Variants in XPA observed in about 807,000 individuals in gnomAD.
XPA encodes DNA repair protein complementing XP-A cells.
XPA carries 27 observed loss-of-function variants against 35.7 expected under a neutral mutation model. The ratio of observed to expected loss-of-function variants is 0.76; its 90% CI spans 0.56 to 1.04. XPA has a LOEUF of 1.04. Among genes scored for constraint, XPA ranks in the 50% least tolerant of loss-of-function variants. XPA has a pLI of 0.00. For synonymous variants in XPA, 133 were observed against 118.4 expected, an observed-to-expected ratio of 1.12 and a Z score of -0.80; for missense variants, 354 against 342.7, an observed-to-expected ratio of 1.03 and a Z score of -0.26.
intron 4 of XPA, among the ~76,000 whole-genome samples, chr9:97,685,439 C>G (rs1214082676): frequency 6.6e-6 from 1 of 152,132 alleles, no homozygotes; most frequent in East Asian, 1.9e-4. Flanking sequence ...CAGGAAATTA[C>G]CAATTACTAC....
At chr9:97,666,919 C>A in the XPA span, 17 of 1,342,162 alleles carry the variant, frequency 1.3e-5, no homozygotes, top group East Asian at 2.4e-4. Flanking sequence ...AGAAAATATA[C>A]CAGAAACTCT....
the XPA span, chr9:97,660,925 T>C: frequency 1.9e-6 from 3 of 1,599,310 alleles, no homozygotes; most frequent in African/African-American, 2.7e-5. Flanking sequence ...TCATTCCCCT[T>C]ACCCCCAATT....
chr9:97,655,909 AC>A, the XPA span: 8 of 1,356,266 alleles, frequency 5.9e-6, no homozygotes, highest in African/African-American at 1.5e-5. Context: ...TTATAACTTA[AC>A]AAAACTTGTA....
chr9:97,664,783 C>T, the XPA span, among the ~76,000 whole-genome samples: 1 of 152,112 alleles, frequency 6.6e-6, no homozygotes, highest in African/African-American at 2.4e-5. Context: ...GGGAAGGGTT[C>T]CAGCTTCAGT....
the XPA span, chr9:97,664,587 A>G: frequency 3.6e-6 from 2 of 554,830 alleles, 1 homozygote; most frequent in East Asian, 5.8e-5. Context: ...GACATGGCAA[A>G]AATTCCTAGA....
intron 5 of XPA, chr9:97,675,955 G>C (rs1828352480): frequency 4.1e-6 from 1 of 242,216 alleles, no homozygotes; most frequent in Non-Finnish European, 8.1e-6. Flanking sequence ...AGGAAAAGGA[G>C]TCAGCTGAAA....
chr9:97,674,303 G>A (rs1828285155), downstream of XPA, among the ~76,000 whole-genome samples: 1 of 146,100 alleles, frequency 6.8e-6, no homozygotes, highest in African/African-American at 2.7e-5. Flanking sequence ...TAGTCATTGA[G>A]TGTGAAGGTG....
Position 97,675,106 on chromosome 9 carries a change from C to T in XPA, c.*333G>A, listed in dbSNP as rs1425730546. On this transcript the variant is annotated 3_prime_UTR_variant, in exon 6 of 6. Coordinates refer to ENST00000375128, the MANE Select transcript of XPA (RefSeq NM_000380.4). ...AGTTCAGCCTTTGTTGAACCCTTTT[C>T]CCTCTACCCCAATCTAGGGTTTGCC... 2 of 545,192 alleles carry T rather than the reference C, an allele frequency of 3.7e-6. No individual in the cohort carries two copies. Among genetic ancestry groups the T allele is most frequent in the East Asian group, 3.8e-5 (1 of 26,010 alleles). The allele number at this position is 545,192 out of a possible 1,614,324, so 33.8% of individuals were successfully genotyped here.
At chr9:97,666,741 C>A in the XPA span, 1 of 1,482,460 alleles carries the variant, frequency 6.7e-7, no homozygotes, top group Non-Finnish European at 9.2e-7. Context: ...CATACAGTAA[C>A]CAAATGCCAT....
At chr9:97,673,153 A>G (rs116000920), downstream of XPA, 377 of 152,334 alleles carry the variant, frequency 2.5e-3, 2 homozygotes, top group African/African-American at 8.2e-3. Flanking sequence ...TATATAGCAT[A>G]TAACATACAA....
the XPA span, among the ~76,000 whole-genome samples, chr9:97,668,319 G>C: frequency 3.9e-5 from 6 of 152,140 alleles, no homozygotes; most frequent in Admixed American, 3.9e-4. Context: ...AAACTCTTCA[G>C]AGTGAGCTGG....
the XPA span, chr9:97,661,012 A>T: frequency 6.2e-7 from 1 of 1,612,938 alleles, no homozygotes; most frequent in Non-Finnish European, 8.5e-7. Flanking sequence ...GCAACCAATG[A>T]TGAAATCTTC....
intron 3 of XPA, among the ~76,000 whole-genome samples, chr9:97,688,612 TGAC>T (rs1828789946): frequency 6.6e-6 from 1 of 152,212 alleles, no homozygotes; most frequent in Non-Finnish European, 1.5e-5. Context: ...CCTTTAAGAA[TGAC>T]GACAATACTG....
chr9:97,655,778 T>G, the XPA span: 1 of 1,601,564 alleles, frequency 6.2e-7, no homozygotes, highest in East Asian at 2.2e-5. Context: ...AGTGATGGTT[T>G]GTTTTATCTT....
At chr9:97,667,413 A>G in the XPA span, among the ~76,000 whole-genome samples, 6 of 152,292 alleles carry the variant, frequency 3.9e-5, no homozygotes, top group Middle Eastern at 3.4e-3. Context: ...ACCATAGTAG[A>G]AGGTGAAAAA....
In XPA at chr9:97,697,331, C is replaced by G. The variant is rs1156776645; in HGVS notation, c.-39G>C. 2 of 1,595,432 alleles carry G rather than the reference C, an allele frequency of 1.3e-6. No homozygotes were observed. Among genetic ancestry groups the G allele is most frequent in the Non-Finnish European group, 1.7e-6 (2 of 1,178,518 alleles). ...CGAGGACCTAGCTCCCAGCTCCACGCACGCGCACTGCACGCCGAGGCGAGC... is the reference window on the plus strand; with the variant it reads ...CGAGGACCTAGCTCCCAGCTCCACGGACGCGCACTGCACGCCGAGGCGAGC... On this transcript the variant is annotated 5_prime_UTR_variant, in exon 1 of 6. Transcript: ENST00000375128.
the XPA span, among the ~76,000 whole-genome samples, chr9:97,667,880 A>G: frequency 6.6e-6 from 1 of 152,212 alleles, no homozygotes; most frequent in African/African-American, 2.4e-5. Context: ...AGGTCTATCT[A>G]TTAGGTAGTA....
At chr9:97,658,624 G>A in the XPA span, 5 of 1,562,780 alleles carry the variant, frequency 3.2e-6, no homozygotes, top group East Asian at 9.0e-5. Flanking sequence ...TTCTGAGGCT[G>A]TTATTTGTAT....
At chr9:97,674,143 C>CACCG (rs1554698912), downstream of XPA, among the ~76,000 whole-genome samples, 12 of 151,816 alleles carry the variant, frequency 7.9e-5, no homozygotes, top group East Asian at 1.6e-3. Context: ...CTTCCCCGCC[C>CACCG]CCATAATGCT....
Sources: allele counts gnomAD v4.1 joint callset (sites outside exome capture counted in the v4.1 genomes callset), GRCh38; gene constraint gnomAD v4.1.1; transcripts MANE v1.5; gene names NCBI Gene and HGNC (gene_info 2026-07-23, HGNC 2026-07-21).